PLLP: variants seen among roughly 807,000 people sequenced by gnomAD.
PLLP encodes plasma membrane proteolipid (plasmolipin).
Under a neutral mutation model 19.7 loss-of-function variants are expected in PLLP, and 15 were observed. The observed-to-expected ratio is 0.76, with a 90% CI of 0.51 to 1.17. The LOEUF (loss-of-function observed/expected upper bound fraction) is 1.17, where lower values mean the gene tolerates loss of function less well. Ranked by LOEUF, PLLP falls within the 50% of genes most tolerant of loss-of-function variation. PLLP has a pLI of 0.00. For synonymous variants in PLLP, 111 were observed against 116.3 expected, an observed-to-expected ratio of 0.95 and a Z score of 0.29; for missense variants, 255 against 258.3, an observed-to-expected ratio of 0.99 and a Z score of 0.09.
chr16:57,266,371 A>C (rs1042011036), intron 1 of PLLP, among the ~76,000 whole-genome samples: 3 of 152,176 alleles, frequency 2.0e-5, no homozygotes, highest in African/African-American at 7.2e-5. Context: ...AGAACAAGGA[A>C]GGTTCGTTCC....
At chr16:57,275,603 C>CAAAAAAAAAAAAAAAACAAAA (rs34400512) in intron 1 of PLLP, among the ~76,000 whole-genome samples, 2 of 22,316 alleles carry the variant, frequency 9.0e-5, no homozygotes, top group Non-Finnish European at 1.8e-4. Flanking sequence ...AGAAATTCAG[C>CAAAAAAAAAAAAAAAACAAAA]AAAAAAAAAA....
chr16:57,278,762 G>A (rs113751650), intron 1 of PLLP, among the ~76,000 whole-genome samples: 63 of 152,300 alleles, frequency 4.1e-4, no homozygotes, highest in African/African-American at 1.5e-3. Context: ...GGGAGTCTCA[G>A]ACATTGCAAT....
At chr16:57,275,409 CTT>C (rs1434188849) in intron 1 of PLLP, among the ~76,000 whole-genome samples, 2 of 151,828 alleles carry the variant, frequency 1.3e-5, no homozygotes, top group African/African-American at 2.4e-5. Context: ...AAAAAGGAAA[CTT>C]AAATCACTAG....
intron 1 of PLLP, among the ~76,000 whole-genome samples, 161 bp from the exon 2 acceptor site, chr16:57,262,231 G>C (rs1403516793): frequency 6.6e-6 from 1 of 152,130 alleles, no homozygotes; most frequent in Non-Finnish European, 1.5e-5. Context: ...AGACCAGCCT[G>C]GGCAACAGAG....
chr16:57,258,733 G>A, intron 2 of PLLP, 149 bp from the exon 3 acceptor site: 2 of 732,864 alleles, frequency 2.7e-6, no homozygotes, highest in Non-Finnish European at 4.6e-6. Context: ...ACCAGCCTGG[G>A]GAACATAGGT....
rs750949961 is a variant in PLLP at position 57,257,040 on chromosome 16, G to A, written c.433-11C>T. ...CAAACACGCAAAGAACTGAAAGAGAGGTGAGAAGGGCTTAAGGACCGAGAG... is the reference window on the plus strand; with the variant it reads ...CAAACACGCAAAGAACTGAAAGAGAAGTGAGAAGGGCTTAAGGACCGAGAG... On this transcript the variant is annotated splice_polypyrimidine_tract_variant and intron_variant, in intron 3 of 3. Coordinates refer to ENST00000219207, the MANE Select transcript of PLLP (RefSeq NM_015993.3). 6.3e-6 allele frequency: 10 copies of A among 1,584,696 alleles called. No individual in the cohort carries two copies. In the South Asian group the frequency reaches 8.8e-5, roughly 14 times the overall value.
Position 57,256,255 on chromosome 16 carries a change from G to A in PLLP, c.*658C>T. 1 of 390,042 alleles carries A rather than the reference G, an allele frequency of 2.6e-6. No individual in the cohort carries two copies. Among genetic ancestry groups the A allele is most frequent in the East Asian group, 3.6e-5 (1 of 27,498 alleles). The allele number at this position is 390,042 out of a possible 1,614,324, so 24.2% of individuals were successfully genotyped here. ...CACCGATGTTAGCTTCGCCCAAAGG[G>A]AGTATTACAGAGAGAGGCTTGGGAA... On this transcript the variant is annotated 3_prime_UTR_variant, in exon 4 of 4. Coordinates refer to ENST00000219207, the MANE Select transcript of PLLP (RefSeq NM_015993.3).
At chr16:57,284,287 G>A in intron 1 of PLLP, 119 bp downstream of exon 1, 1 of 940,848 alleles carries the variant, frequency 1.1e-6, no homozygotes, top group Non-Finnish European at 1.4e-6. Flanking sequence ...CGGTGACAGT[G>A]TGAGCCCGGG....
chr16:57,264,201 G>A (rs2075450272), intron 1 of PLLP, among the ~76,000 whole-genome samples: 1 of 151,868 alleles, frequency 6.6e-6, no homozygotes, highest in Non-Finnish European at 1.5e-5. Context: ...TCGGGGGCCT[G>A]TAGCTGAGCT....
intron 1 of PLLP, among the ~76,000 whole-genome samples, chr16:57,278,151 C>A (rs1428147035): frequency 1.3e-5 from 2 of 152,184 alleles, no homozygotes; most frequent in South Asian, 2.1e-4. Flanking sequence ...ACCAGCCTGG[C>A]CAACATGGTG....
chr16:57,276,565 C>A (rs1296396638), intron 1 of PLLP, among the ~76,000 whole-genome samples: 3 of 142,014 alleles, frequency 2.1e-5, no homozygotes, highest in Non-Finnish European at 4.5e-5. Flanking sequence ...ACACTCCAGG[C>A]TGGGTGACAG....
Position 57,256,784 on chromosome 16 carries a change from G to T in PLLP, c.*129C>A. On this transcript the variant is annotated 3_prime_UTR_variant, in exon 4 of 4. Transcript: ENST00000219207. ...TGTGAGAGCTTATGTCTGACGGGCA[G>T]AGAGGAGCAAATGCAGTCCCTGTTG... 1 of 651,828 alleles carries T rather than the reference G, an allele frequency of 1.5e-6. No homozygotes were observed. The highest frequency in any genetic ancestry group is 1.9e-5 in the South Asian group (1 of 54,044). The allele number at this position is 651,828 out of a possible 1,614,324, so 40.4% of individuals were successfully genotyped here.
intron 2 of PLLP, 59 bp downstream of exon 2, chr16:57,261,838 C>A: frequency 6.6e-7 from 1 of 1,515,260 alleles, no homozygotes; most frequent in Non-Finnish European, 9.2e-7. Flanking sequence ...GCCACTTCTT[C>A]TAGGGAAAGT....
At chr16:57,276,000 C>A (rs776556483) in intron 1 of PLLP, among the ~76,000 whole-genome samples, 8 of 152,116 alleles carry the variant, frequency 5.3e-5, no homozygotes, top group Admixed American at 3.9e-4. Context: ...CCCAGCTACT[C>A]GGCAGGCTGA....
intron 1 of PLLP, among the ~76,000 whole-genome samples, chr16:57,271,477 C>G (rs75075448): frequency 0.046 from 6,986 of 151,984 alleles, 435 homozygotes; most frequent in South Asian, 0.27. Context: ...AACCCCGCCT[C>G]TAATAAAAAT....
intron 2 of PLLP, 65 bp downstream of exon 2, chr16:57,261,832 C>T: frequency 6.7e-7 from 1 of 1,485,710 alleles, no homozygotes. Flanking sequence ...CACCCTGCCA[C>T]TTCTTCTAGG....
intron 1 of PLLP, among the ~76,000 whole-genome samples, chr16:57,266,019 C>A (rs967499935): frequency 1.2e-4 from 19 of 152,172 alleles, no homozygotes; most frequent in Non-Finnish European, 2.2e-4. Flanking sequence ...GAGACCCTGT[C>A]TCAAAAAATA....
chr16:57,264,974 G>A (rs1419132149), intron 1 of PLLP, among the ~76,000 whole-genome samples: 1 of 152,262 alleles, frequency 6.6e-6, no homozygotes, highest in Non-Finnish European at 1.5e-5. Flanking sequence ...ACCCAAGTAA[G>A]GGGCTCAGCC....
intron 1 of PLLP, among the ~76,000 whole-genome samples, chr16:57,267,904 G>T (rs1431901333): frequency 2.0e-5 from 3 of 150,448 alleles, no homozygotes; most frequent in African/African-American, 7.4e-5. Context: ...AAGAAAGAAA[G>T]AAAAGAAAAG....
Sources: gnomAD v4.1 joint callset for allele counts (sites outside exome capture counted in the v4.1 genomes callset) on GRCh38, gnomAD v4.1.1 for gene constraint, MANE v1.5 for transcripts, NCBI Gene and HGNC (gene_info 2026-07-23, HGNC 2026-07-21) for gene names.